The following TET1 variants were observed in gnomAD, a reference collection of about 807,000 sequenced individuals.
TET1 encodes tet methylcytosine dioxygenase 1, also known as methylcytosine dioxygenase TET1.
In TET1, 13 loss-of-function variants were observed where a neutral mutation model predicts 148.7. That is an observed-to-expected ratio of 0.09 (90% CI 0.06 to 0.14). TET1 has a LOEUF of 0.14. Ranked by LOEUF, TET1 falls within the 10% of genes least tolerant of loss-of-function variation. The probability of loss-of-function intolerance (pLI) is 1.00; values close to 1 mark genes in which losing one functional copy is unlikely to be tolerated. For synonymous variants in TET1, 907 were observed against 937.2 expected (o/e 0.97, Z 0.59); for missense variants, 2,182 against 2,553.8 (o/e 0.85, Z 3.14).
At chr10:68,654,042 G>C (rs1055651935) in intron 6 of TET1, among the ~76,000 whole-genome samples, 1 of 139,266 alleles carries the variant, frequency 7.2e-6, no homozygotes, top group African/African-American at 2.6e-5. Context: ...AGGAGGCAGA[G>C]GTTGTAGTGA....
chr10:68,650,571 C>T (rs1041334979), intron 4 of TET1, among the ~76,000 whole-genome samples: 1 of 152,046 alleles, frequency 6.6e-6, no homozygotes, highest in African/African-American at 2.4e-5. Flanking sequence ...GCGAAGATTG[C>T]AGTGAGCCAA....
chr10:68,640,485 A>T (rs2054729666), intron 3 of TET1, among the ~76,000 whole-genome samples: 1 of 129,012 alleles, frequency 7.8e-6, no homozygotes, highest in Non-Finnish European at 1.6e-5. Flanking sequence ...GCTGGTCTTG[A>T]TCTCCTGAAC....
At chr10:68,590,593 A>G (rs1244029097) in intron 2 of TET1, among the ~76,000 whole-genome samples, 3 of 151,544 alleles carry the variant, frequency 2.0e-5, no homozygotes, top group Non-Finnish European at 2.9e-5. Context: ...TTGAGAGGCC[A>G]AGGTGGGATG....
chr10:68,611,882 GA>G (rs1314567109), intron 3 of TET1, among the ~76,000 whole-genome samples: 3 of 142,548 alleles, frequency 2.1e-5, no homozygotes, highest in African/African-American at 5.2e-5. Flanking sequence ...GAGAGAGAGG[GA>G]GGGAGGGGAG....
rs1274126645 is a variant in TET1, at chr10:68,644,891, A to G, written c.2162A>G (p.His721Arg). 1 of 1,612,388 alleles carries G rather than the reference A, an allele frequency of 6.2e-7. No individual in the cohort carries two copies. Among genetic ancestry groups the G allele is most frequent in the Admixed American group, 1.7e-5 (1 of 59,630 alleles). Reference sequence around the variant, plus strand: ...AACAAGAAATCACAGTTAACTGATCACGTGAAAGGAGATTTTAGTGCTAAT... The same window carrying G: ...AACAAGAAATCACAGTTAACTGATCGCGTGAAAGGAGATTTTAGTGCTAAT... ...TQNKKSQLTD[H>R]VKGDFSANVP... is the part of the protein sequence containing the mutation. Residue 721 changes from histidine (H) to arginine (R), a missense_variant, in exon 4 of 12, where the codon CAC becomes CGC. Physicochemically the swap from His to Arg is conservative, Grantham distance 29. Transcript: ENST00000373644.
At chr10:68,687,152 CTT>C (rs2053891106) in intron 11 of TET1, among the ~76,000 whole-genome samples, 1 of 142,958 alleles carries the variant, frequency 7.0e-6, no homozygotes, top group African/African-American at 2.6e-5. Flanking sequence ...CCGCCCCCGC[CTT>C]GGCCTCCCAA....
chr10:68,686,671 A>G lies in TET1; in HGVS notation c.5368A>G (p.Thr1790Ala), dbSNP rs1033862403. 4 of 1,613,980 alleles carry G rather than the reference A, an allele frequency of 2.5e-6. No individual in the cohort carries two copies. The African/African-American group carries it at 4.0e-5, about 16-fold the overall frequency. The change falls in exon 11 of 12, where the codon ACA becomes GCA. Residue 1790 changes from threonine to alanine, a missense_variant. This residue lies in a region of TET1 where 380 missense variants were observed against 387.9 expected (regional missense o/e 0.98). Coordinates refer to ENST00000373644, the MANE Select transcript of TET1 (RefSeq NM_030625.3). The stretch of plus-strand genomic sequence containing the variant: ...CAAGCGGAAGAATAACTCAACAACA[A>G]CAAACAACAGTAAGCCTTCGTCACT... Reference protein sequence around the residue: ...RIKRKNNSTTTNNSKPSSLPT... With the variant: ...RIKRKNNSTTANNSKPSSLPT...
chr10:68,597,312 G>A (rs939872144), intron 2 of TET1, among the ~76,000 whole-genome samples: 1 of 152,086 alleles, frequency 6.6e-6, no homozygotes, highest in African/African-American at 2.4e-5. Context: ...AGGATTACAG[G>A]CGTGAGCTAC....
chr10:68,644,253 G>A (rs190899044), intron 3 of TET1, among the ~76,000 whole-genome samples: 12 of 152,260 alleles, frequency 7.9e-5, no homozygotes, highest in Non-Finnish European at 4.4e-5. Flanking sequence ...CCAGGCTGGA[G>A]TATAGTAGCA....
intron 6 of TET1, among the ~76,000 whole-genome samples, chr10:68,663,687 A>G (rs952600458): frequency 2.0e-5 from 3 of 152,232 alleles, no homozygotes; most frequent in Non-Finnish European, 4.4e-5. Flanking sequence ...ATGTCACTAT[A>G]GTATTCATTG....
intron 7 of TET1, 35 bp from the exon 8 acceptor site, chr10:68,672,860 T>C: frequency 1.3e-6 from 2 of 1,575,972 alleles, no homozygotes; most frequent in South Asian, 1.2e-5. Flanking sequence ...TTGTAATGCT[T>C]CATCAATTCA....
intron 2 of TET1, among the ~76,000 whole-genome samples, chr10:68,576,895 C>T (rs1244959345): frequency 6.7e-6 from 1 of 148,158 alleles, no homozygotes; most frequent in Non-Finnish European, 1.5e-5. Context: ...GCACCCACCA[C>T]CATACCTGGC....
At chr10:68,621,096 G>A (rs145552415) in intron 3 of TET1, among the ~76,000 whole-genome samples, 14 of 152,206 alleles carry the variant, frequency 9.2e-5, no homozygotes, top group African/African-American at 3.1e-4. Context: ...CATAATTTTG[G>A]TTGTGTTCAG....
At chr10:68,656,679 A>G (rs1214924600) in intron 6 of TET1, among the ~76,000 whole-genome samples, 1 of 152,260 alleles carries the variant, frequency 6.6e-6, no homozygotes, top group Non-Finnish European at 1.5e-5. Context: ...ATTAGCACTC[A>G]ATAAATTTGT....
intron 8 of TET1, among the ~76,000 whole-genome samples, chr10:68,680,637 C>T (rs1431185225): frequency 6.6e-6 from 1 of 152,198 alleles, no homozygotes; most frequent in African/African-American, 2.4e-5. Flanking sequence ...CGTTAGCCAC[C>T]ATGCTAATAG....
intron 6 of TET1, among the ~76,000 whole-genome samples, chr10:68,666,782 C>T (rs1766926198): frequency 6.6e-6 from 1 of 152,056 alleles, no homozygotes; most frequent in Non-Finnish European, 1.5e-5. Flanking sequence ...GAAGTAGTAA[C>T]TTTAAAAAAA....
intron 1 of TET1, among the ~76,000 whole-genome samples, chr10:68,569,465 C>G (rs753064341): frequency 1.3e-5 from 2 of 152,110 alleles, no homozygotes; most frequent in East Asian, 1.9e-4. Context: ...TGAATCACCA[C>G]GCCTGGCCAG....
intron 3 of TET1, among the ~76,000 whole-genome samples, chr10:68,611,701 T>C (rs1163987277): frequency 6.6e-6 from 1 of 151,520 alleles, no homozygotes; most frequent in Non-Finnish European, 1.5e-5. Flanking sequence ...TTCTTTTCTT[T>C]TTCTTTCTTT....
At chr10:68,618,296 TATGGTAAA>T (rs2054324201) in intron 3 of TET1, among the ~76,000 whole-genome samples, 1 of 152,152 alleles carries the variant, frequency 6.6e-6, no homozygotes, top group Non-Finnish European at 1.5e-5. Context: ...CAGGTTACTG[TATGGTAAA>T]ATGTGGCTGT....
Sources: gnomAD v4.1 joint callset for allele counts (sites outside exome capture counted in the v4.1 genomes callset) on GRCh38, gnomAD v4.1.1 for gene constraint, gnomAD v4.1.1 regional missense constraint, MANE v1.5 for transcripts, NCBI Gene and HGNC (gene_info 2026-07-23, HGNC 2026-07-21) for gene names.